The following CMIP variants were observed in gnomAD, a reference collection of about 807,000 sequenced individuals.
CMIP encodes c-Maf inducing protein.
A neutral mutation model predicts 97.3 loss-of-function variants in CMIP; 13 were observed. The observed-to-expected ratio is 0.13, with a 90% CI of 0.09 to 0.21. The LOEUF (loss-of-function observed/expected upper bound fraction) is 0.21. Among genes scored for constraint, CMIP ranks in the 10% least tolerant of loss-of-function variants. CMIP has a pLI of 1.00. For synonymous variants in CMIP, 538 were observed against 436.3 expected, an observed-to-expected ratio of 1.23 and a Z score of -2.91; for missense variants, 847 against 1,024.9, an observed-to-expected ratio of 0.83 and a Z score of 2.37.
intron 1 of CMIP, among the ~76,000 whole-genome samples, chr16:81,602,273 C>A (rs184606324): frequency 6.6e-6 from 1 of 152,252 alleles, no homozygotes; most frequent in East Asian, 1.9e-4. Context: ...TTACAAAATT[C>A]TTTGTACTGT....
At chr16:81,609,154 C>T (rs932115279) in intron 2 of CMIP, among the ~76,000 whole-genome samples, 1 of 152,106 alleles carries the variant, frequency 6.6e-6, no homozygotes, top group African/African-American at 2.4e-5. Context: ...TTCTTTTAAC[C>T]CTGTCCCCAC....
At chr16:81,676,110 G>A (rs1181495046) in intron 9 of CMIP, among the ~76,000 whole-genome samples, 4 of 152,208 alleles carry the variant, frequency 2.6e-5, no homozygotes, top group Non-Finnish European at 5.9e-5. Context: ...CGGTTAGGTG[G>A]CTGTGGCAAG....
intron 1 of CMIP, among the ~76,000 whole-genome samples, chr16:81,457,780 CAGG>C (rs2150735053): frequency 1.3e-5 from 2 of 152,344 alleles, no homozygotes; most frequent in South Asian, 4.1e-4. Flanking sequence ...AACTGGCCCA[CAGG>C]AGGTCTGAAA....
chr16:81,554,647 C>T (rs2090725485), intron 1 of CMIP, among the ~76,000 whole-genome samples: 1 of 152,174 alleles, frequency 6.6e-6, no homozygotes, highest in African/African-American at 2.4e-5. Context: ...TTCTCATTTT[C>T]TTCATTCACC....
intron 1 of CMIP, among the ~76,000 whole-genome samples, chr16:81,524,753 C>T (rs1020529209): frequency 6.6e-6 from 1 of 152,088 alleles, no homozygotes; most frequent in Middle Eastern, 3.2e-3. Context: ...ACAGTAACTG[C>T]GCCTTCCCAT....
chr16:81,595,158 GGTTGTACAA>G (rs1258599005), intron 1 of CMIP, among the ~76,000 whole-genome samples: 2 of 151,726 alleles, frequency 1.3e-5, no homozygotes, highest in Non-Finnish European at 2.9e-5. Context: ...GGATTCACCA[GGTTGTACAA>G]CAATCACTAC....
intron 1 of CMIP, among the ~76,000 whole-genome samples, chr16:81,545,305 C>G (rs546708633): frequency 6.6e-5 from 10 of 152,180 alleles, no homozygotes; most frequent in Non-Finnish European, 1.3e-4. Context: ...GCAGACGAAC[C>G]CGTCCTTGTA....
chr16:81,710,451 T>TATAAACCAG lies in CMIP; in HGVS notation c.*652_*653insATAAACCAG. 1 of 124,340 alleles carries TATAAACCAG rather than the reference T, an allele frequency of 8.0e-6. No individual in the cohort carries two copies. Among genetic ancestry groups the TATAAACCAG allele is most frequent in the South Asian group, 2.8e-4 (1 of 3,570 alleles). 7.7% of individuals were successfully genotyped at this position (124,340 alleles called of 1,614,324 possible). A position where few individuals can be genotyped will look rare whatever the true frequency, so the allele number is the denominator to read the frequency against. The stretch of plus-strand genomic sequence containing the variant: ...ACCGCCCTCCCGCCCCCACCTGGCG[T>TATAAACCAG]GTAGTACTGTATAAACCAGTCAGCT... On this transcript the variant is annotated 3_prime_UTR_variant, in exon 21 of 21. Transcript: ENST00000537098.
chr16:81,460,322 C>CGGTT (rs1291216536), intron 1 of CMIP, among the ~76,000 whole-genome samples: 53 of 152,198 alleles, frequency 3.5e-4, no homozygotes, highest in Non-Finnish European at 2.9e-4. Context: ...GGGTTGCCAG[C>CGGTT]GGTTGCCATG....
At chr16:81,703,829 G>C in intron 17 of CMIP, 110 bp from the exon 18 acceptor site, 1 of 1,414,074 alleles carries the variant, frequency 7.1e-7, no homozygotes, top group Non-Finnish European at 9.4e-7. Flanking sequence ...CGCCCCCCAG[G>C]AACAGCTCTC....
intron 1 of CMIP, among the ~76,000 whole-genome samples, chr16:81,463,668 T>G (rs1052028423): frequency 6.6e-6 from 1 of 152,206 alleles, no homozygotes; most frequent in Non-Finnish European, 1.5e-5. Flanking sequence ...TGCCAGGCAC[T>G]TATTCAGCCC....
chr16:81,611,985 G>T (rs1224775944), intron 2 of CMIP, among the ~76,000 whole-genome samples: 2 of 152,190 alleles, frequency 1.3e-5, no homozygotes, highest in Non-Finnish European at 2.9e-5. Flanking sequence ...TTTTCAGCGT[G>T]AGCTCCCTCA....
intron 1 of CMIP, among the ~76,000 whole-genome samples, chr16:81,452,068 T>C (rs973874322): frequency 6.6e-6 from 1 of 152,208 alleles, no homozygotes; most frequent in African/African-American, 2.4e-5. Context: ...GAGAAAATAT[T>C]TCTGGTGCTG....
At chr16:81,547,984 A>G (rs865866154) in intron 1 of CMIP, among the ~76,000 whole-genome samples, 1 of 152,216 alleles carries the variant, frequency 6.6e-6, no homozygotes, top group Admixed American at 6.5e-5. Context: ...CACGCCGGCA[A>G]TCATGTCATG....
intron 1 of CMIP, among the ~76,000 whole-genome samples, chr16:81,579,206 TGAG>T (rs1197942853): frequency 6.6e-6 from 1 of 152,150 alleles, no homozygotes; most frequent in Non-Finnish European, 1.5e-5. Flanking sequence ...TTCTTAACAA[TGAG>T]GAGGAAGATG....
chr16:81,490,824 C>A (rs140484445), intron 1 of CMIP, among the ~76,000 whole-genome samples: 2 of 152,240 alleles, frequency 1.3e-5, no homozygotes, highest in East Asian at 3.9e-4. Context: ...AGCAAATGCA[C>A]AGGCCCCAAG....
At chr16:81,626,432 TGG>T (rs1485454539) in intron 3 of CMIP, among the ~76,000 whole-genome samples, 2 of 143,062 alleles carry the variant, frequency 1.4e-5, no homozygotes, top group Non-Finnish European at 3.1e-5. Flanking sequence ...GTGTGGGGTG[TGG>T]GATGACTATC....
intron 1 of CMIP, among the ~76,000 whole-genome samples, chr16:81,469,234 G>C (rs778858131): frequency 6.6e-6 from 1 of 152,232 alleles, no homozygotes; most frequent in African/African-American, 2.4e-5. Context: ...ATAATGCAAA[G>C]AATTGTCACG....
intron 1 of CMIP, among the ~76,000 whole-genome samples, chr16:81,536,318 C>G (rs771472473): frequency 6.6e-6 from 1 of 152,100 alleles, no homozygotes; most frequent in Admixed American, 6.6e-5. Context: ...TCTTACCTTG[C>G]GCCATGCAGG....
Sources: gnomAD v4.1 joint callset for allele counts (sites outside exome capture counted in the v4.1 genomes callset) on GRCh38, gnomAD v4.1.1 for gene constraint, MANE v1.5 for transcripts, NCBI Gene and HGNC (gene_info 2026-07-23, HGNC 2026-07-21) for gene names.